The following IGF2BP3 variants were observed in gnomAD, a reference collection of about 807,000 sequenced individuals.
IGF2BP3 encodes the protein insulin like growth factor 2 mRNA binding protein 3.
IGF2BP3 carries 9 observed loss-of-function variants against 73.8 expected under a neutral mutation model. The ratio of observed to expected loss-of-function variants is 0.12; its 90% CI spans 0.07 to 0.21. The LOEUF is 0.21. Among genes scored for constraint, IGF2BP3 ranks in the 10% least tolerant of loss-of-function variants. The probability of loss-of-function intolerance (pLI) is 1.00; values close to 1 mark genes in which losing one functional copy is unlikely to be tolerated. For synonymous variants in IGF2BP3, 258 were observed against 256.7 expected (o/e 1.01, Z -0.05); for missense variants, 542 against 714.0 (o/e 0.76, Z 2.75).
In IGF2BP3 at chr7:23,412,304, G is replaced by T. The variant is rs150495440; in HGVS notation, c.285+6472C>A. Among the ~76,000 whole-genome samples, 257 of 152,126 alleles carry T rather than the reference G, an allele frequency of 1.7e-3. 2 individuals are homozygous for T. The highest frequency in any genetic ancestry group is 6.0e-3 in the African/African-American group (247 of 41,508). ...GGCCTACTTGTTTCTTCTAAATAAG[G>T]AATACTTGGTTTCCCTTCTTTGACC... is the stretch of plus-strand genomic sequence containing the variant. On this transcript the variant is annotated intron_variant, in intron 3 of 14. Transcript: ENST00000258729.
intron 3 of IGF2BP3, chr7:23,402,794 C>CA (rs1786708668): frequency 6.6e-6 from 1 of 152,122 alleles, no homozygotes; most frequent in South Asian, 2.1e-4. Flanking sequence ...ACAAAAAAGT[C>CA]AGTAATCAAT....
chr7:23,433,727 A>T (rs1787743994), intron 2 of IGF2BP3, among the ~76,000 whole-genome samples: 1 of 148,910 alleles, frequency 6.7e-6, no homozygotes, highest in Non-Finnish European at 1.5e-5. Context: ...AGCTTATCTA[A>T]AACTAATTGA....
intron 3 of IGF2BP3, among the ~76,000 whole-genome samples, chr7:23,391,147 T>A (rs1447932652): frequency 6.9e-6 from 1 of 144,202 alleles, no homozygotes; most frequent in Non-Finnish European, 1.5e-5. Flanking sequence ...TCACCCAGGC[T>A]AGAGTGCAGT....
intron 2 of IGF2BP3, among the ~76,000 whole-genome samples, chr7:23,466,616 C>T (rs1049733413): frequency 1.3e-5 from 2 of 152,196 alleles, no homozygotes; most frequent in Non-Finnish European, 2.9e-5. Context: ...AAGAGGAACT[C>T]CTGTTTATTA....
At chr7:23,442,213 G>C (rs568232323) in intron 2 of IGF2BP3, among the ~76,000 whole-genome samples, 1 of 152,142 alleles carries the variant, frequency 6.6e-6, no homozygotes, top group African/African-American at 2.4e-5. Context: ...AGGCATAATG[G>C]TTGTCATTGG....
chr7:23,428,716 C>CT (rs1284212975), intron 2 of IGF2BP3, among the ~76,000 whole-genome samples: 37 of 129,816 alleles, frequency 2.9e-4, no homozygotes, highest in African/African-American at 9.9e-4. Context: ...TTCTTTTTTT[C>CT]TTTTTTTTAG....
chr7:23,314,060 T>C (rs1783907035), intron 12 of IGF2BP3, among the ~76,000 whole-genome samples: 1 of 152,148 alleles, frequency 6.6e-6, no homozygotes, highest in African/African-American at 2.4e-5. Context: ...CCTCCTGTTG[T>C]CCAGGCTGGA....
At position 23,455,508 on chromosome 7, in the gene IGF2BP3, A is replaced by G. The variant is rs567567442; in HGVS notation, c.236+12974T>C. 3.3e-4 allele frequency among the ~76,000 whole-genome samples: 50 copies of G among 152,288 alleles called. 1 individual carries two copies. In the South Asian group the frequency reaches 8.3e-3, roughly 25 times the overall value. ...CTCCTCCTATGTTCTGGGGCATCTC[A>G]CATATACCCTATGACATATTGACAA... On this transcript the variant is annotated intron_variant, in intron 2 of 14. Coordinates refer to ENST00000258729, the MANE Select transcript of IGF2BP3 (RefSeq NM_006547.3).
At chr7:23,390,071 C>T (rs1225211256) in intron 3 of IGF2BP3, among the ~76,000 whole-genome samples, 1 of 152,038 alleles carries the variant, frequency 6.6e-6, no homozygotes, top group African/African-American at 2.4e-5. Flanking sequence ...ACAAAATTGG[C>T]TAATATTTTG....
intron 10 of IGF2BP3, among the ~76,000 whole-genome samples, chr7:23,336,725 A>C (rs564537359): frequency 6.6e-6 from 1 of 152,300 alleles, no homozygotes; most frequent in South Asian, 2.1e-4. Context: ...AGATGGGTGG[A>C]TCACTTGAGG....
intron 3 of IGF2BP3, among the ~76,000 whole-genome samples, chr7:23,389,115 G>A (rs756484382): frequency 6.6e-6 from 1 of 150,998 alleles, no homozygotes; most frequent in African/African-American, 2.4e-5. Flanking sequence ...CTAATTCAAC[G>A]ATTTAAGTTG....
rs1788618229 is a variant in IGF2BP3 at position 23,468,349 on chromosome 7, C to G, written c.236+133G>C. ...CACACCCCCGCCATAAACTTAAAAG[C>G]AAGGATTAAAGACCGGAACACCACG... On this transcript the variant is annotated intron_variant, in intron 2 of 14. Transcript: ENST00000258729. 4.5e-6 allele frequency: 4 copies of G among 886,222 alleles called. No individual in the cohort carries two copies. The East Asian group carries it at 7.2e-5, about 16-fold the overall frequency. 54.9% of individuals were successfully genotyped at this position (886,222 alleles called of 1,614,324 possible).
chr7:23,426,157 T>C (rs771699212), intron 2 of IGF2BP3, among the ~76,000 whole-genome samples: 2 of 151,590 alleles, frequency 1.3e-5, no homozygotes, highest in Non-Finnish European at 2.9e-5. Flanking sequence ...TGAAAACCCA[T>C]CTGTACTGAA....
chr7:23,385,260 T>C (rs185555960), intron 3 of IGF2BP3, among the ~76,000 whole-genome samples: 2 of 152,190 alleles, frequency 1.3e-5, no homozygotes, highest in South Asian at 2.1e-4. Flanking sequence ...TGTACTACCA[T>C]CTATGAAGTA....
chr7:23,312,114 T>G lies in IGF2BP3; in HGVS notation c.*248A>C. The G allele has an allele frequency of 1.2e-5, 5 of 405,336 alleles. No individual in the cohort carries two copies. Among genetic ancestry groups the G allele is most frequent in the Non-Finnish European group, 1.3e-5 (3 of 224,520 alleles). 25.1% of individuals were successfully genotyped at this position (405,336 alleles called of 1,614,324 possible). A position where few individuals can be genotyped will look rare whatever the true frequency, so the allele number is the denominator to read the frequency against. On this transcript the variant is annotated 3_prime_UTR_variant, in exon 15 of 15. Transcript: ENST00000258729. ...GAAGTGCAGAGCTCTTCTCTTTCCC[T>G]CCCTCCCCCACCCTTTTTTTGTTTG...
At chr7:23,322,106 G>C (rs115847608) in intron 10 of IGF2BP3, among the ~76,000 whole-genome samples, 2,006 of 152,274 alleles carry the variant, frequency 0.013, 49 homozygotes, top group African/African-American at 0.046. Flanking sequence ...GAAGGCTTCA[G>C]ACAATCCAAT....
intron 3 of IGF2BP3, among the ~76,000 whole-genome samples, chr7:23,378,569 GTTT>G (rs1156868701): frequency 1.8e-3 from 120 of 65,876 alleles, no homozygotes; most frequent in African/African-American, 8.1e-3. Flanking sequence ...ATTTTTGCTT[GTTT>G]TTTTTTTTTT....
In IGF2BP3 at chr7:23,416,833, C is replaced by T. The variant is rs185565466; in HGVS notation, c.285+1943G>A. 4.1e-3 allele frequency among the ~76,000 whole-genome samples: 624 copies of T among 152,260 alleles called. 1 individual carries two copies. Among genetic ancestry groups the T allele is most frequent in the Middle Eastern group, 0.017 (5 of 294 alleles). Reference sequence around the variant, plus strand: ...CTTTGGGAGACCAAGGCTGGTGGATCGCCTGAGGTCAGGAGTTTGAGACTA... The same window carrying T: ...CTTTGGGAGACCAAGGCTGGTGGATTGCCTGAGGTCAGGAGTTTGAGACTA... On this transcript the variant is annotated intron_variant, in intron 3 of 14. Transcript: ENST00000258729.
intron 2 of IGF2BP3, chr7:23,467,767 C>A (rs184985082): frequency 7.0e-4 from 107 of 153,114 alleles, no homozygotes; most frequent in Non-Finnish European, 1.2e-3. Flanking sequence ...CGACATACTA[C>A]ACACATGATC....
Sources: gnomAD v4.1 joint callset for allele counts (sites outside exome capture counted in the v4.1 genomes callset) on GRCh38, gnomAD v4.1.1 for gene constraint, MANE v1.5 for transcripts, NCBI Gene and HGNC (gene_info 2026-07-23, HGNC 2026-07-21) for gene names.